LHFPL4: variants seen among roughly 807,000 people sequenced by gnomAD.
LHFPL4 encodes LHFPL tetraspan subfamily member 4.
LHFPL4 carries 6 observed loss-of-function variants against 20.0 expected under a neutral mutation model. The observed-to-expected ratio is 0.30, with a 90% confidence interval of 0.16 to 0.59. LHFPL4 has a LOEUF of 0.59. Among genes scored for constraint, LHFPL4 ranks in the 20% least tolerant of loss-of-function variants. The pLI is 0.88. For missense variants in LHFPL4, 215 were observed against 331.2 expected (o/e 0.65, Z 2.72); for synonymous variants, 129 against 143.8 (o/e 0.90, Z 0.74).
intron 2 of LHFPL4, among the ~76,000 whole-genome samples, chr3:9,523,766 A>G (rs1031931919): frequency 6.6e-6 from 1 of 151,984 alleles, no homozygotes; most frequent in Non-Finnish European, 1.5e-5. Context: ...ACCTTAACTT[A>G]TTCCTTCTTC....
intron 2 of LHFPL4, among the ~76,000 whole-genome samples, chr3:9,532,735 A>G (rs2046418158): frequency 1.3e-5 from 2 of 152,112 alleles, no homozygotes; most frequent in South Asian, 4.1e-4. Context: ...GCATGACTCA[A>G]CACAGCTGCC....
At chr3:9,550,451 CT>C (rs2046546220) in intron 2 of LHFPL4, among the ~76,000 whole-genome samples, 1 of 152,124 alleles carries the variant, frequency 6.6e-6, no homozygotes, top group Non-Finnish European at 1.5e-5. Flanking sequence ...TTTCCTCTCT[CT>C]AAAACAGGGG....
chr3:9,547,601 G>A (rs1410098674), intron 2 of LHFPL4, among the ~76,000 whole-genome samples: 1 of 152,202 alleles, frequency 6.6e-6, no homozygotes, highest in East Asian at 1.9e-4. Context: ...GACAACGAGT[G>A]TGAAAACGTC....
chr3:9,501,738 G>GAA lies in LHFPL4; in HGVS notation c.*471_*472dup, dbSNP rs373849529. 4.5e-5 allele frequency: 6 copies of GAA among 132,940 alleles called. No homozygotes were observed. The highest frequency in any genetic ancestry group is 8.2e-5 in the Non-Finnish European group (5 of 60,844). The allele number at this position is 132,940 out of a possible 1,614,324, so 8.2% of individuals were successfully genotyped here. A position where few individuals can be genotyped will look rare whatever the true frequency, so the allele number is the denominator to read the frequency against. On this transcript the variant is annotated 3_prime_UTR_variant, in exon 4 of 4. Coordinates refer to ENST00000287585, the MANE Select transcript of LHFPL4 (RefSeq NM_198560.3). ...GGTGGAACCAACATCAGCCAAAAAAGAAAAAAAAAAAAAGTAGGAAAGAGT... is the reference window on the plus strand; with the variant it reads ...GGTGGAACCAACATCAGCCAAAAAAGAAAAAAAAAAAAAAAGTAGGAAAGAGT...
At chr3:9,549,633 C>G (rs1284932738) in intron 2 of LHFPL4, among the ~76,000 whole-genome samples, 3 of 152,104 alleles carry the variant, frequency 2.0e-5, no homozygotes, top group Non-Finnish European at 4.4e-5. Context: ...GAAGGCGGAG[C>G]TTGCAGTGAG....
Position 9,501,909 on chromosome 3 carries a change from A to T in LHFPL4, c.*302T>A, listed in dbSNP as rs931282365. Reference sequence around the variant, plus strand: ...AGCTCCGCTCTCCCTGGGGATCTGCAGGGACCTCCAGGCCAGTCTAGAGAG... The same window carrying T: ...AGCTCCGCTCTCCCTGGGGATCTGCTGGGACCTCCAGGCCAGTCTAGAGAG... On this transcript the variant is annotated 3_prime_UTR_variant, in exon 4 of 4. Transcript: ENST00000287585. 76 of 355,288 alleles carry T rather than the reference A, an allele frequency of 2.1e-4. No individual in the cohort carries two copies. The highest frequency in any genetic ancestry group is 9.3e-5 in the South Asian group (2 of 21,472). 22.0% of individuals were successfully genotyped at this position (355,288 alleles called of 1,614,324 possible). A position where few individuals can be genotyped will look rare whatever the true frequency, so the allele number is the denominator to read the frequency against.
chr3:9,523,945 A>C (rs1324454637), intron 2 of LHFPL4, among the ~76,000 whole-genome samples: 1 of 151,918 alleles, frequency 6.6e-6, no homozygotes, highest in African/African-American at 2.4e-5. Flanking sequence ...CACTTTTGAA[A>C]GATAATTTCA....
At chr3:9,528,216 G>A (rs2046387077) in intron 2 of LHFPL4, among the ~76,000 whole-genome samples, 1 of 152,172 alleles carries the variant, frequency 6.6e-6, no homozygotes, top group Non-Finnish European at 1.5e-5. Context: ...TTTATCTACA[G>A]AACTTCTTTC....
chr3:9,536,177 C>A (rs1011907248), intron 2 of LHFPL4, among the ~76,000 whole-genome samples: 2 of 152,158 alleles, frequency 1.3e-5, no homozygotes, highest in Non-Finnish European at 2.9e-5. Flanking sequence ...CAGGGAGATC[C>A]CCCAGGAGAA....
chr3:9,527,095 C>T (rs1021192897), intron 2 of LHFPL4, among the ~76,000 whole-genome samples: 3 of 151,474 alleles, frequency 2.0e-5, no homozygotes, highest in Admixed American at 2.0e-4. Context: ...CAGAAGATGA[C>T]ATGATATAGT....
rs149101232 is a variant in LHFPL4 at position 9,526,298 on chromosome 3, A to T, written c.407-20095T>A. On this transcript the variant is annotated intron_variant, in intron 2 of 3. Transcript: ENST00000287585. ...TTGCAAGATTAAAAGAGTTCTGGAG[A>T]TGGATGGTGGTAATGACTGAGCAAT... 1.9e-3 allele frequency among the ~76,000 whole-genome samples: 295 copies of T among 152,296 alleles called. 2 individuals carry two copies. Among genetic ancestry groups the T allele is most frequent in the Middle Eastern group, 6.8e-3 (2 of 294 alleles).
At position 9,536,310 on chromosome 3, in the gene LHFPL4, C is replaced by T. The variant is rs367609103; in HGVS notation, c.406+15964G>A. On this transcript the variant is annotated intron_variant, in intron 2 of 3. Coordinates refer to ENST00000287585, the MANE Select transcript of LHFPL4 (RefSeq NM_198560.3). ...ATCTTACAAGGGAGACTGAGCTTCT[C>T]CTTTTAAAATCTGAGACATCCAGGC... Among the ~76,000 whole-genome samples, 12 of 152,324 alleles carry T rather than the reference C, an allele frequency of 7.9e-5. No homozygotes were observed. In the East Asian group the frequency reaches 9.7e-4, roughly 12 times the overall value.
In LHFPL4 at chr3:9,500,504, G is replaced by C. The variant is rs1575654895; in HGVS notation, c.*1707C>G. 1 of 152,322 alleles carries C rather than the reference G, an allele frequency of 6.6e-6. No individual in the cohort carries two copies. Among genetic ancestry groups the C allele is most frequent in the Non-Finnish European group, 1.5e-5 (1 of 68,094 alleles). The allele number at this position is 152,322 out of a possible 1,614,324, so 9.4% of individuals were successfully genotyped here. A position where few individuals can be genotyped will look rare whatever the true frequency, so the allele number is the denominator to read the frequency against. Reference sequence around the variant, plus strand: ...CACTAGGTCCCAACATCTGATTCCGGCTAGGGTCCAGAGTGGGGAGACAGG... The same window carrying C: ...CACTAGGTCCCAACATCTGATTCCGCCTAGGGTCCAGAGTGGGGAGACAGG... On this transcript the variant is annotated 3_prime_UTR_variant, in exon 4 of 4. Coordinates refer to ENST00000287585, the MANE Select transcript of LHFPL4 (RefSeq NM_198560.3).
chr3:9,529,027 C>G (rs1421998096), intron 2 of LHFPL4, among the ~76,000 whole-genome samples: 2 of 141,292 alleles, frequency 1.4e-5, no homozygotes, highest in African/African-American at 2.6e-5. Flanking sequence ...AGGAAAATCA[C>G]CAATGTTCTT....
chr3:9,553,408 G>A (rs1305441721), intron 1 of LHFPL4, among the ~76,000 whole-genome samples: 2 of 151,472 alleles, frequency 1.3e-5, no homozygotes, highest in South Asian at 2.1e-4. Flanking sequence ...AGGAAGGGGG[G>A]GCTGTCCTCA....
At chr3:9,527,953 T>C (rs1410554301) in intron 2 of LHFPL4, among the ~76,000 whole-genome samples, 2 of 152,054 alleles carry the variant, frequency 1.3e-5, no homozygotes, top group African/African-American at 4.8e-5. Flanking sequence ...TCCCAATGCA[T>C]ATAAAGTCAT....
At position 9,526,584 on chromosome 3, in the gene LHFPL4, C is replaced by T. The variant is rs929979473; in HGVS notation, c.407-20381G>A. ...TGTAATGAGTTTAATTGCGTTCCCT[C>T]AAAAAGATATGTTCAAGTCCTAATC... On this transcript the variant is annotated intron_variant, in intron 2 of 3. Transcript: ENST00000287585. Among the ~76,000 whole-genome samples, 9 of 152,280 alleles carry T rather than the reference C, an allele frequency of 5.9e-5. 1 individual carries two copies. The highest frequency in any genetic ancestry group is 5.9e-4 in the Admixed American group (9 of 15,286).
At chr3:9,517,686 CAA>C (rs59022029) in intron 2 of LHFPL4, among the ~76,000 whole-genome samples, 3,271 of 96,472 alleles carry the variant, frequency 0.034, 42 homozygotes, top group African/African-American at 0.067. Flanking sequence ...GACTCTGTCT[CAA>C]AAAAAAAAAA....
chr3:9,512,665 C>T (rs767475561), intron 2 of LHFPL4, among the ~76,000 whole-genome samples: 2 of 152,182 alleles, frequency 1.3e-5, no homozygotes, highest in Non-Finnish European at 2.9e-5. Flanking sequence ...GACCATATGA[C>T]TAAGCAAAAT....
Sources: gnomAD v4.1 joint callset for allele counts (sites outside exome capture counted in the v4.1 genomes callset) on GRCh38, gnomAD v4.1.1 for gene constraint, MANE v1.5 for transcripts, NCBI Gene and HGNC (gene_info 2026-07-23, HGNC 2026-07-21) for gene names.